ABCC11: variants seen among roughly 807,000 people sequenced by gnomAD.
ABCC11 encodes ATP binding cassette subfamily C member 11.
ABCC11 carries 135 observed loss-of-function variants against 149.3 expected under a neutral mutation model. The ratio of observed to expected loss-of-function variants is 0.90; its 90% CI spans 0.79 to 1.04. The LOEUF is 1.04. ABCC11 is among the 50% of genes least tolerant of loss of function. The probability of loss-of-function intolerance (pLI) is 0.00; values close to 1 mark genes in which losing one functional copy is unlikely to be tolerated. For missense variants in ABCC11, 1,680 were observed against 1,722.1 expected (o/e 0.98, Z 0.43); for synonymous variants, 665 against 671.4 (o/e 0.99, Z 0.15).
In ABCC11 at chr16:48,230,548, G is replaced by C. The variant is rs778257560; in HGVS notation, c.125C>G (p.Pro42Arg). The change falls in exon 3 of 30, where the codon CCC becomes CGC. Residue 42 changes from proline to arginine, a missense_variant. Coordinates refer to ENST00000356608, the MANE Select transcript of ABCC11 (RefSeq NM_001370497.1). ...AGGATTTCTCTCTTGCTGACTCCAG[G>C]GGCCATCTTGGAGAGTATAGGTTTT... ...IYKTYTLQDG[P>R]WSQQERNPEA... 4 of 1,610,022 alleles carry C rather than the reference G, an allele frequency of 2.5e-6. No individual in the cohort carries two copies. The South Asian group carries it at 4.4e-5, about 18-fold the overall frequency.
In ABCC11 at chr16:48,224,299, C is replaced by CA; in HGVS notation, c.525dup (p.Ala176CysfsTer69). 1 of 1,614,140 alleles carries CA rather than the reference C, an allele frequency of 6.2e-7. No homozygotes were observed. The highest frequency in any genetic ancestry group is 1.1e-5 in the South Asian group (1 of 91,068). ...CCACTTACTGGCCCGAGTACACTGGCAATGCAGAAGCAGATGCCCAGAAGT... is the reference window on the plus strand; with the variant it reads ...CCACTTACTGGCCCGAGTACACTGGCAAATGCAGAAGCAGATGCCCAGAAGT... On this transcript the variant is annotated frameshift_variant, in exon 5 of 30. Coordinates refer to ENST00000356608, the MANE Select transcript of ABCC11 (RefSeq NM_001370497.1). LOFTEE classifies it high-confidence loss of function.
At chr16:48,185,437 G>A (rs58891706) in intron 22 of ABCC11, among the ~76,000 whole-genome samples, 2,491 of 152,114 alleles carry the variant, frequency 0.016, 62 homozygotes, top group African/African-American at 0.057. Context: ...CACCATCACA[G>A]TTTTCCATGT....
At chr16:48,225,043 C>CAAAAA (rs113544609) in intron 4 of ABCC11, among the ~76,000 whole-genome samples, 2,876 of 142,484 alleles carry the variant, frequency 0.02, 110 homozygotes, top group African/African-American at 0.071. Flanking sequence ...AAAAACAAAC[C>CAAAAA]AAAAAAAAAA....
At chr16:48,211,222 A>G (rs2150861251) in intron 10 of ABCC11, 23 bp from the exon 11 acceptor site, 1 of 1,609,902 alleles carries the variant, frequency 6.2e-7, no homozygotes, top group Non-Finnish European at 8.5e-7. Context: ...AAAAAAATAG[A>G]GGGAGGAGGA....
At position 48,171,001 on chromosome 16, in the gene ABCC11, C is replaced by T. The variant is rs746017023; in HGVS notation, c.3699-34G>A. On this transcript the variant is annotated intron_variant, in intron 26 of 29. Transcript: ENST00000356608. ...TGAGAGAAAGAGAAGTGTTCAACAA[C>T]ATCACCCAGGCTTTGAACACTCATT... 6 of 1,539,976 alleles carry T rather than the reference C, an allele frequency of 3.9e-6. 1 individual carries two copies. In the South Asian group the frequency reaches 6.7e-5, roughly 17 times the overall value.
In ABCC11 at chr16:48,247,136, TG is replaced by T. The variant is rs1971435148; in HGVS notation, c.-19+177del. Among the ~76,000 whole-genome samples, 10 of 152,420 alleles carry T rather than the reference TG, an allele frequency of 6.6e-5. No individual in the cohort carries two copies. The South Asian group carries it at 2.1e-3, about 32-fold the overall frequency. On this transcript the variant is annotated intron_variant, in intron 1 of 29. Coordinates refer to ENST00000356608, the MANE Select transcript of ABCC11 (RefSeq NM_001370497.1). The stretch of plus-strand genomic sequence containing the variant: ...TATTGTTTGCTACTTAAAAAGCCTA[TG>T]TGGAAAGATTGTACCATATTCCTTG...
chr16:48,176,873 C>T, intron 25 of ABCC11, 51 bp downstream of exon 25: 1 of 1,583,302 alleles, frequency 6.3e-7, no homozygotes, highest in Non-Finnish European at 8.6e-7. Flanking sequence ...GGTCTAGTGC[C>T]CAAAGGGCAA....
rs892332661 is a variant in ABCC11, at chr16:48,208,569, A to C, written c.1609-73T>G. 6.0e-6 allele frequency: 9 copies of C among 1,509,694 alleles called. 1 individual carries two copies. In the South Asian group the frequency reaches 1.0e-4, roughly 17 times the overall value. 93.5% of individuals were successfully genotyped at this position (1,509,694 alleles called of 1,614,324 possible). On this transcript the variant is annotated intron_variant, in intron 11 of 29. Transcript: ENST00000356608. Reference sequence around the variant, plus strand: ...CATACCCACCTGCCCATGGCGGCTCAACTGTTTAGAACCCAAAACAACACA... The same window carrying C: ...CATACCCACCTGCCCATGGCGGCTCCACTGTTTAGAACCCAAAACAACACA...
intron 11 of ABCC11, chr16:48,210,675 T>A (rs1353402691): frequency 2.3e-6 from 1 of 440,546 alleles, no homozygotes; most frequent in African/African-American, 1.9e-5. Context: ...CTCCTTTCTG[T>A]GTCCTTAGTT....
chr16:48,212,629 G>C (rs954238670), intron 10 of ABCC11, among the ~76,000 whole-genome samples: 4 of 152,108 alleles, frequency 2.6e-5, no homozygotes, highest in African/African-American at 9.7e-5. Flanking sequence ...TAATTTACTT[G>C]TTAATTGTCT....
chr16:48,219,635 G>C (rs542396681), intron 6 of ABCC11, among the ~76,000 whole-genome samples: 1 of 152,222 alleles, frequency 6.6e-6, no homozygotes, highest in South Asian at 2.1e-4. Flanking sequence ...TAGTGCAAGA[G>C]AAAGGACAAA....
In ABCC11 at chr16:48,184,612, G is replaced by C. The variant is rs1966645294; in HGVS notation, c.3086C>G (p.Thr1029Ser). The change falls in exon 23 of 30, where the codon ACT (threonine) becomes AGT (serine). Residue 1029 changes from threonine to serine, a missense_variant. Coordinates refer to ENST00000356608, the MANE Select transcript of ABCC11 (RefSeq NM_001370497.1). ...CAGCAGGTAGTTATTCTGCGCATCA[G>C]TCAGCCTCTTAAACCTGAGAAGGAA... ...EDFISQFKRL[T>S]DAQNNYLLLF... is the part of the protein sequence containing the mutation. 1.9e-6 allele frequency: 3 copies of C among 1,614,088 alleles called. No individual in the cohort carries two copies. The highest frequency in any genetic ancestry group is 2.5e-6 in the Non-Finnish European group (3 of 1,179,950).
intron 14 of ABCC11, among the ~76,000 whole-genome samples, chr16:48,200,689 G>A (rs1967891512): frequency 6.6e-6 from 1 of 152,212 alleles, no homozygotes; most frequent in Non-Finnish European, 1.5e-5. Flanking sequence ...TCTCGTGGAG[G>A]TAGAGAGTAG....
chr16:48,234,768 G>T (rs187007573), intron 1 of ABCC11, among the ~76,000 whole-genome samples: 35 of 152,300 alleles, frequency 2.3e-4, no homozygotes, highest in Admixed American at 2.2e-3. Flanking sequence ...GGGAGGCCTA[G>T]CAACTCAGAG....
At chr16:48,176,226 C>T (rs1016881674) in intron 25 of ABCC11, among the ~76,000 whole-genome samples, 7 of 152,146 alleles carry the variant, frequency 4.6e-5, no homozygotes, top group African/African-American at 1.7e-4. Context: ...ACCAGGCAGG[C>T]CCTCATTATC....
chr16:48,178,698 G>A lies in ABCC11; in HGVS notation c.3259-12C>T, dbSNP rs761269124. 1.9e-6 allele frequency: 3 copies of A among 1,613,598 alleles called. No homozygotes were observed. Among genetic ancestry groups the A allele is most frequent in the Non-Finnish European group, 2.5e-6 (3 of 1,179,734 alleles). ...AAGCTGGACGCCAGCTAGAAGGAAG[G>A]AGAAGTATCGGGGGTCAAGAGGCTG... On this transcript the variant is annotated splice_polypyrimidine_tract_variant and intron_variant, in intron 23 of 29. Transcript: ENST00000356608.
chr16:48,230,701 T>C (rs1970370091), intron 2 of ABCC11, 128 bp from the exon 3 acceptor site: 2 of 1,104,580 alleles, frequency 1.8e-6, no homozygotes, highest in East Asian at 2.8e-5. Flanking sequence ...AAGGCTTCCA[T>C]ACCGAGAATA....
In ABCC11 at chr16:48,200,448, C is replaced by T. The variant is rs200339646; in HGVS notation, c.1910G>A (p.Gly637Glu). The change falls in exon 15 of 30, where the codon GGG becomes GAG. Residue 637 changes from glycine (G) to glutamate (E), a missense_variant. Gly to Glu is a moderately conservative substitution (Grantham distance 98). Transcript: ENST00000356608. Reference protein sequence around the residue: ...IGERGLNLSGGQKQRISLARA... With the variant: ...IGERGLNLSGEQKQRISLARA... ...GGCCAGGCTGATCCTCTGTTTCTGC[C>T]CCCCAGAGAGGTTGAGGCCCCGCTC... 5.0e-5 allele frequency: 80 copies of T among 1,614,056 alleles called. No homozygotes were observed. The highest frequency in any genetic ancestry group is 5.9e-6 in the Non-Finnish European group (7 of 1,180,034).
intron 1 of ABCC11, chr16:48,235,308 C>T (rs953929650): frequency 6.6e-6 from 1 of 152,150 alleles, no homozygotes; most frequent in Non-Finnish European, 1.5e-5. Context: ...TTCTGCATAC[C>T]TCATTAGAAT....
Sources: allele counts gnomAD v4.1 joint callset (sites outside exome capture counted in the v4.1 genomes callset), GRCh38; gene constraint gnomAD v4.1.1; transcripts MANE v1.5; gene names NCBI Gene and HGNC (gene_info 2026-07-23, HGNC 2026-07-21).